Variants in ATF1 observed in about 807,000 individuals in gnomAD.
The protein encoded by ATF1 is activating transcription factor 1.
In ATF1, 16 loss-of-function variants were observed where a neutral mutation model predicts 34.7. The ratio of observed to expected loss-of-function variants is 0.46; its 90% CI spans 0.31 to 0.70. ATF1 has a LOEUF of 0.70. ATF1 is among the 30% of genes least tolerant of loss of function. The pLI is 0.05. For synonymous variants in ATF1, 105 were observed against 113.1 expected, an observed-to-expected ratio of 0.93 and a Z score of 0.46; for missense variants, 255 against 321.6, an observed-to-expected ratio of 0.79 and a Z score of 1.58.
At chr12:50,777,260 A>T (rs1219075141) in intron 1 of ATF1, among the ~76,000 whole-genome samples, 1 of 152,224 alleles carries the variant, frequency 6.6e-6, no homozygotes, top group Non-Finnish European at 1.5e-5. Context: ...TAGTATGGTT[A>T]TGACTTTAAG....
chr12:50,764,958 G>T (rs979613275), intron 1 of ATF1, among the ~76,000 whole-genome samples: 1 of 152,212 alleles, frequency 6.6e-6, no homozygotes, highest in African/African-American at 2.4e-5. Context: ...TTTGGGATGG[G>T]CGACCCAGCC....
intron 2 of ATF1, among the ~76,000 whole-genome samples, chr12:50,791,760 A>G (rs1187908160): frequency 6.6e-6 from 1 of 152,132 alleles, no homozygotes; most frequent in African/African-American, 2.4e-5. Context: ...TATTTGAGAA[A>G]GCTTTTTGGA....
At chr12:50,799,192 C>A (rs1256502651) in intron 3 of ATF1, among the ~76,000 whole-genome samples, 1 of 152,134 alleles carries the variant, frequency 6.6e-6, no homozygotes, top group Non-Finnish European at 1.5e-5. Context: ...TAAGACCAAT[C>A]TGTGTAACAT....
intron 1 of ATF1, among the ~76,000 whole-genome samples, chr12:50,779,145 AT>A (rs1940999061): frequency 6.6e-6 from 1 of 152,110 alleles, no homozygotes; most frequent in Non-Finnish European, 1.5e-5. Context: ...TCACTATTTT[AT>A]TTATCAATTC....
At chr12:50,779,968 C>T (rs1941018745) in intron 1 of ATF1, among the ~76,000 whole-genome samples, 172 bp from the exon 2 acceptor site, 1 of 151,940 alleles carries the variant, frequency 6.6e-6, no homozygotes, top group Non-Finnish European at 1.5e-5. Flanking sequence ...TTTTGTGGGC[C>T]AAAATTCAAA....
chr12:50,770,057 T>G (rs1940734307), intron 1 of ATF1, among the ~76,000 whole-genome samples: 1 of 152,244 alleles, frequency 6.6e-6, no homozygotes, highest in African/African-American at 2.4e-5. Flanking sequence ...TTTGAGCTAT[T>G]TACAGTTCAT....
At chr12:50,790,597 G>T (rs1486030255) in intron 2 of ATF1, among the ~76,000 whole-genome samples, 4 of 152,148 alleles carry the variant, frequency 2.6e-5, no homozygotes, top group African/African-American at 9.7e-5. Flanking sequence ...GATTTTATCA[G>T]ATTACTGCAG....
chr12:50,807,812 TG>T (rs1334304567), intron 3 of ATF1, among the ~76,000 whole-genome samples: 36 of 51,942 alleles, frequency 6.9e-4, no homozygotes, highest in African/African-American at 1.4e-3. Context: ...GTTTTTTTTT[TG>T]TTTTTTTTTT....
chr12:50,805,550 CCTGT>C (rs1187669406), intron 3 of ATF1, among the ~76,000 whole-genome samples: 12 of 144,152 alleles, frequency 8.3e-5, no homozygotes, highest in East Asian at 2.0e-4. Context: ...AGAGTGAGAC[CCTGT>C]CTGTCTCAAA....
chr12:50,764,761 C>G (rs1940587843), intron 1 of ATF1: 1 of 152,286 alleles, frequency 6.6e-6, no homozygotes, highest in South Asian at 2.1e-4. Context: ...CGCGTCGGCG[C>G]TGGCGACCCT....
chr12:50,811,555 T>C (rs1941737577), intron 4 of ATF1, among the ~76,000 whole-genome samples: 1 of 144,278 alleles, frequency 6.9e-6, no homozygotes, highest in Non-Finnish European at 1.5e-5. Context: ...AGGCTGAGGC[T>C]GGAGGATTGC....
At chr12:50,782,050 T>TG (rs1265391105) in intron 2 of ATF1, among the ~76,000 whole-genome samples, 5 of 152,164 alleles carry the variant, frequency 3.3e-5, no homozygotes, top group African/African-American at 1.2e-4. Flanking sequence ...AACTATAACT[T>TG]GCTGAGTTTT....
At chr12:50,806,373 A>C (rs188675108) in intron 3 of ATF1, 1 of 508,116 alleles carries the variant, frequency 2.0e-6, no homozygotes, top group African/African-American at 1.9e-5. Context: ...TGTAGACACA[A>C]AATGCCATAA....
chr12:50,766,511 CTTTTT>C (rs111298206), intron 1 of ATF1, among the ~76,000 whole-genome samples: 2 of 143,398 alleles, frequency 1.4e-5, no homozygotes, highest in Non-Finnish European at 3.1e-5. Context: ...AAAGGGGAGT[CTTTTT>C]TTTTTTTAAT....
intron 2 of ATF1, among the ~76,000 whole-genome samples, chr12:50,780,776 C>T (rs1225233623): frequency 6.6e-6 from 1 of 151,896 alleles, no homozygotes; most frequent in Non-Finnish European, 1.5e-5. Flanking sequence ...GCCTGACCAA[C>T]ATGGCGAAAC....
intron 3 of ATF1, among the ~76,000 whole-genome samples, chr12:50,799,943 A>T (rs1941481891): frequency 6.6e-6 from 1 of 152,250 alleles, no homozygotes; most frequent in African/African-American, 2.4e-5. Flanking sequence ...AAAATACTTG[A>T]AAAAATAATG....
chr12:50,775,150 C>T (rs891408740), intron 1 of ATF1, among the ~76,000 whole-genome samples: 3 of 151,668 alleles, frequency 2.0e-5, no homozygotes, highest in Non-Finnish European at 4.4e-5. Context: ...CTGTGTTCCC[C>T]AGGCTGGTCT....
chr12:50,766,922 A>G (rs1029636671), intron 1 of ATF1, among the ~76,000 whole-genome samples: 5 of 152,246 alleles, frequency 3.3e-5, no homozygotes, highest in Non-Finnish European at 5.9e-5. Flanking sequence ...GTTGAATTAA[A>G]GATGACAGGC....
At chr12:50,803,269 A>G (rs975864214) in intron 3 of ATF1, among the ~76,000 whole-genome samples, 1 of 62,164 alleles carries the variant, frequency 1.6e-5, no homozygotes, top group Admixed American at 1.3e-4. Flanking sequence ...ACTCTGTCTC[A>G]AAAAAAAAAA....
Sources: gnomAD v4.1 joint callset for allele counts (sites outside exome capture counted in the v4.1 genomes callset) on GRCh38, gnomAD v4.1.1 for gene constraint, MANE v1.5 for transcripts, NCBI Gene and HGNC (gene_info 2026-07-23, HGNC 2026-07-21) for gene names.